The following ASPH variants were observed in gnomAD, a reference collection of about 807,000 sequenced individuals.
ASPH encodes aspartyl/asparaginyl beta-hydroxylase.
In ASPH, 100 loss-of-function variants were observed where a neutral mutation model predicts 118.4. That is an observed-to-expected ratio of 0.84 (90% CI 0.72 to 1.00). ASPH has a LOEUF of 1.00. Ranked by LOEUF, ASPH falls within the 50% of genes least tolerant of loss-of-function variation. ASPH has a pLI of 0.00. For missense variants in ASPH, 920 were observed against 919.5 expected (o/e 1.00, Z -0.01); for synonymous variants, 315 against 325.6 (o/e 0.97, Z 0.35).
At chr8:61,638,217 T>C in intron 11 of ASPH, 105 bp downstream of exon 11, 2 of 1,389,794 alleles carry the variant, frequency 1.4e-6, no homozygotes, top group South Asian at 2.6e-5. Flanking sequence ...CTTGAAAATG[T>C]CTTGCATTTT....
chr8:61,553,956 C>T (rs1163076447), intron 19 of ASPH, among the ~76,000 whole-genome samples: 1 of 152,144 alleles, frequency 6.6e-6, no homozygotes, highest in Non-Finnish European at 1.5e-5. Context: ...GCAAGCTGCA[C>T]GATAGAATGG....
rs61243363 is a variant in ASPH at position 61,650,724 on chromosome 8, G to A, written c.490+326C>T. Reference sequence around the variant, plus strand: ...TGGAGCACAACACCTGGATGAACCCGACCGTGGGCCTGTGTCCCACTTTCC... The same window carrying A: ...TGGAGCACAACACCTGGATGAACCCAACCGTGGGCCTGTGTCCCACTTTCC... On this transcript the variant is annotated intron_variant, in intron 5 of 24. Transcript: ENST00000379454. 5.3e-3 allele frequency among the ~76,000 whole-genome samples: 800 copies of A among 152,222 alleles called. 11 individuals are homozygous for A. The highest frequency in any genetic ancestry group is 0.018 in the African/African-American group (757 of 41,516).
Position 61,605,270 on chromosome 8 carries a change from T to C in ASPH, c.976+13708A>G, listed in dbSNP as rs148756786. Reference sequence around the variant, plus strand: ...ATACACAAGCAATATCAGATTACTCTTCTATTGCATTTGGACTTAGGGATA... The same window carrying C: ...ATACACAAGCAATATCAGATTACTCCTCTATTGCATTTGGACTTAGGGATA... On this transcript the variant is annotated intron_variant, in intron 14 of 24. Transcript: ENST00000379454. Among the ~76,000 whole-genome samples the C allele has an allele frequency of 1.4e-4, 22 of 152,330 alleles. No homozygotes were observed. The East Asian group carries it at 4.1e-3, about 28-fold the overall frequency.
rs7009762 is a variant in ASPH at position 61,567,511 on chromosome 8, G to A, written c.1150-193C>T. On this transcript the variant is annotated intron_variant, in intron 16 of 24. Transcript: ENST00000379454. ...TCAACACACTATTTTAATAATACAA[G>A]GTAAAGTTTGTTACTAAAGACAAGA... Among the ~76,000 whole-genome samples, 122,862 of 152,184 alleles carry A rather than the reference G, an allele frequency of 0.81. 49,963 individuals carry two copies. Among genetic ancestry groups the A allele is most frequent in the Non-Finnish European group, 0.85 (57,610 of 68,002 alleles).
chr8:61,563,810 C>G (rs1254689576), intron 17 of ASPH, among the ~76,000 whole-genome samples: 1 of 152,216 alleles, frequency 6.6e-6, no homozygotes, highest in Non-Finnish European at 1.5e-5. Flanking sequence ...TAGAAATCTC[C>G]TATTATCCAC....
At chr8:61,607,911 A>C (rs1355959359) in intron 14 of ASPH, among the ~76,000 whole-genome samples, 3 of 152,204 alleles carry the variant, frequency 2.0e-5, no homozygotes, top group African/African-American at 7.2e-5. Context: ...AATCTCAAAG[A>C]GGATAGTGTC....
intron 24 of ASPH, among the ~76,000 whole-genome samples, chr8:61,515,350 C>T (rs779220819): frequency 4.6e-5 from 7 of 152,210 alleles, no homozygotes; most frequent in Non-Finnish European, 1.0e-4. Flanking sequence ...CAGTGTAAGA[C>T]AAGATTCATT....
intron 3 of ASPH, chr8:61,664,939 T>A (rs569462429): frequency 1.8e-6 from 2 of 1,087,094 alleles, no homozygotes; most frequent in South Asian, 8.7e-5. Context: ...ATATTCTTAT[T>A]TAACGTCAAT....
intron 13 of ASPH, among the ~76,000 whole-genome samples, chr8:61,621,864 TTTAG>T (rs1851050500): frequency 1.3e-5 from 2 of 152,250 alleles, no homozygotes; most frequent in Non-Finnish European, 2.9e-5. Context: ...GTAACTCATA[TTTAG>T]TCTTTAAATA....
At chr8:61,654,741 T>C (rs1812779497) in intron 3 of ASPH, among the ~76,000 whole-genome samples, 1 of 152,158 alleles carries the variant, frequency 6.6e-6, no homozygotes, top group African/African-American at 2.4e-5. Flanking sequence ...TCACTTACAT[T>C]TCCTCTAGTT....
rs567937265 is a variant in ASPH at position 61,608,612 on chromosome 8, A to T, written c.976+10366T>A. Among the ~76,000 whole-genome samples, 45 of 152,362 alleles carry T rather than the reference A, an allele frequency of 3.0e-4. No homozygotes were observed. The South Asian group carries it at 9.3e-3, about 32-fold the overall frequency. On this transcript the variant is annotated intron_variant, in intron 14 of 24. Transcript: ENST00000379454. ...TTCAAATCGGATTCAAATATTGTCA[A>T]AAAATGATTTCTGAATCAGGTGATA...
chr8:61,503,349 T>C lies in ASPH; in HGVS notation c.*10A>G, dbSNP rs148842811. On this transcript the variant is annotated 3_prime_UTR_variant, in exon 25 of 25. Transcript: ENST00000379454. ...CTCTCCAGAGTTTCCCAAGCTTGCA[T>C]GAATTCATGCTAAATTGCTGGAAGG... 10 of 1,599,722 alleles carry C rather than the reference T, an allele frequency of 6.3e-6. No homozygotes were observed. Among genetic ancestry groups the C allele is most frequent in the Middle Eastern group, 1.8e-4 (1 of 5,504 alleles).
intron 1 of ASPH, among the ~76,000 whole-genome samples, chr8:61,704,002 C>T (rs1263933467): frequency 6.6e-6 from 1 of 151,162 alleles, no homozygotes; most frequent in Non-Finnish European, 1.5e-5. Context: ...GAGACCATCC[C>T]GGCTAAAACG....
intron 22 of ASPH, among the ~76,000 whole-genome samples, chr8:61,520,775 G>A (rs890514098): frequency 1.3e-5 from 2 of 152,156 alleles, no homozygotes; most frequent in African/African-American, 4.8e-5. Flanking sequence ...GGTGGCTTGG[G>A]GAACAACCAT....
At chr8:61,562,642 TTTAAC>T in intron 18 of ASPH, 97 bp downstream of exon 18, 1 of 1,201,706 alleles carries the variant, frequency 8.3e-7, no homozygotes, top group Non-Finnish European at 1.1e-6. Context: ...TTACATGCTT[TTTAAC>T]TTAATTTAAA....
chr8:61,668,239 GCCTTAGTTTTTCTCTT>G, intron 3 of ASPH: 1 of 1,608,724 alleles, frequency 6.2e-7, no homozygotes, highest in Non-Finnish European at 8.5e-7. Context: ...AATACCTTTA[GCCTTAGTTTTTCTCTT>G]GGCTACCCCA....
intron 15 of ASPH, chr8:61,582,954 G>A (rs555166922): frequency 1.1e-4 from 17 of 152,246 alleles, no homozygotes; most frequent in South Asian, 4.1e-4. Context: ...TTTTGCACCC[G>A]ATGATTAGAT....
chr8:61,588,982 A>G (rs1334336244), intron 14 of ASPH, among the ~76,000 whole-genome samples: 3 of 152,228 alleles, frequency 2.0e-5, no homozygotes, highest in Non-Finnish European at 2.9e-5. Flanking sequence ...TAAATGCATT[A>G]TGTTAAGTGA....
At chr8:61,627,962 C>T (rs1853671515) in intron 13 of ASPH, among the ~76,000 whole-genome samples, 1 of 152,110 alleles carries the variant, frequency 6.6e-6, no homozygotes, top group Non-Finnish European at 1.5e-5. Flanking sequence ...TTATTTCCAG[C>T]TCCAGTTTCC....
Sources: gnomAD v4.1 joint callset for allele counts (sites outside exome capture counted in the v4.1 genomes callset) on GRCh38, gnomAD v4.1.1 for gene constraint, MANE v1.5 for transcripts, NCBI Gene and HGNC (gene_info 2026-07-23, HGNC 2026-07-21) for gene names.